BRD4: variants seen among roughly 807,000 people sequenced by gnomAD.
The protein encoded by BRD4 is bromodomain containing 4, also known as bromodomain-containing protein 4.
Under a neutral mutation model 142.1 loss-of-function variants are expected in BRD4, and 16 were observed. That is an observed-to-expected ratio of 0.11 (90% confidence interval 0.08 to 0.17). The LOEUF (loss-of-function observed/expected upper bound fraction) is 0.17, where lower values mean the gene tolerates loss of function less well. Among genes scored for constraint, BRD4 ranks in the 10% least tolerant of loss-of-function variants. The pLI is 1.00. For missense variants in BRD4, 1,424 were observed against 1,810.9 expected (o/e 0.79, Z 3.88); for synonymous variants, 833 against 707.5 (o/e 1.18, Z -2.82).
Position 15,238,324 on chromosome 19 carries a change from T to G in BRD4, c.*53A>C, listed in dbSNP as rs202240581. ...ACCTCCACCACCGCCCCTAACACTA[T>G]GGAAAGTCAATGTTTTGCCAGAAAA... On this transcript the variant is annotated 3_prime_UTR_variant, in exon 20 of 20. Coordinates refer to ENST00000679869, the MANE Select transcript of BRD4 (RefSeq NM_001379291.1). This position sits in a 1 kb window ranked among gnomAD's most constrained non-coding sequence, Gnocchi z 7.2. The G allele has an allele frequency of 2.1e-5, 34 of 1,611,512 alleles. No individual in the cohort carries two copies. The East Asian group carries it at 7.6e-4, about 36-fold the overall frequency.
At chr19:15,309,724 G>T (rs550946958) in intron 1 of BRD4, among the ~76,000 whole-genome samples, 1 of 152,152 alleles carries the variant, frequency 6.6e-6, no homozygotes, top group Admixed American at 6.6e-5. Flanking sequence ...TCTGAAATTG[G>T]GGGTAGGGGA....
Position 15,273,146 on chromosome 19 carries a change from A to C in BRD4, c.-34-13T>G, listed in dbSNP as rs201382989. ...TTCACCAGGCACTCTACAAAGGAAG[A>C]GAAGAGCCCCCGTGAGATATCAGTC... On this transcript the variant is annotated splice_polypyrimidine_tract_variant and intron_variant, in intron 1 of 19. Coordinates refer to ENST00000679869, the MANE Select transcript of BRD4 (RefSeq NM_001379291.1). 16 of 1,536,668 alleles carry C rather than the reference A, an allele frequency of 1.0e-5. No individual in the cohort carries two copies. The highest frequency in any genetic ancestry group is 1.4e-5 in the Non-Finnish European group (16 of 1,140,218).
chr19:15,326,361 G>C (rs1388016751), intron 1 of BRD4, among the ~76,000 whole-genome samples: 2 of 151,970 alleles, frequency 1.3e-5, no homozygotes, highest in East Asian at 1.9e-4. Flanking sequence ...CAGCTACTTG[G>C]GAGGCTGAGG....
At chr19:15,292,994 G>C (rs923401757) in intron 1 of BRD4, among the ~76,000 whole-genome samples, 1 of 151,830 alleles carries the variant, frequency 6.6e-6, no homozygotes, top group Non-Finnish European at 1.5e-5. Flanking sequence ...CCCTGAAAGG[G>C]TGCTTCCTGC....
chr19:15,318,361 C>T (rs566114211), intron 1 of BRD4, among the ~76,000 whole-genome samples: 130 of 152,316 alleles, frequency 8.5e-4, no homozygotes, highest in Middle Eastern at 6.8e-3. Context: ...CATCCTCTGA[C>T]TCAACTCTGC....
intron 7 of BRD4, among the ~76,000 whole-genome samples, chr19:15,262,972 T>A (rs2047490165): frequency 6.6e-6 from 1 of 152,050 alleles, no homozygotes. Flanking sequence ...GGACCCCCAA[T>A]CAGAATTGTG....
chr19:15,283,729 C>T (rs891327954), intron 1 of BRD4, among the ~76,000 whole-genome samples: 4 of 152,300 alleles, frequency 2.6e-5, no homozygotes, highest in South Asian at 2.1e-4. Flanking sequence ...ACTGGGAAGC[C>T]GCCCGGGTGA....
chr19:15,270,652 C>A (rs1052041710), intron 2 of BRD4, among the ~76,000 whole-genome samples: 4 of 152,146 alleles, frequency 2.6e-5, no homozygotes, highest in Non-Finnish European at 5.9e-5. Flanking sequence ...CTGGATAGTA[C>A]GGTTTGGGGC....
At chr19:15,269,250 G>A (rs1472730722) in intron 2 of BRD4, among the ~76,000 whole-genome samples, 3 of 152,148 alleles carry the variant, frequency 2.0e-5, no homozygotes, top group Non-Finnish European at 2.9e-5. Flanking sequence ...ATGCTGGGGA[G>A]TAATTCAGAG....
chr19:15,300,765 T>TA (rs1260108523), intron 1 of BRD4, among the ~76,000 whole-genome samples: 1 of 152,040 alleles, frequency 6.6e-6, no homozygotes, highest in Non-Finnish European at 1.5e-5. Context: ...TTCCCACCCC[T>TA]AAAACCCTGA....
In BRD4 at chr19:15,244,466, T is replaced by C. The variant is rs201256880; in HGVS notation, c.2346A>G (p.Pro782=). The C allele has an allele frequency of 4.7e-5, 4 of 85,736 alleles. No individual in the cohort carries two copies. Among genetic ancestry groups the C allele is most frequent in the Non-Finnish European group, 8.2e-5 (4 of 48,922 alleles). 5.3% of individuals were successfully genotyped at this position (85,736 alleles called of 1,614,324 possible). The stretch of plus-strand genomic sequence containing the variant: ...GGGCTGCCTGCTGCGGCATGGAGGG[T>C]GGGGGAGGCGGGGGTGGCGGCTGCT... ...QQQQPPPPPP[P]PSMPQQAAPA... The change falls in exon 13 of 20, where the codon CCA becomes CCG. Residue 782 remains proline, a synonymous_variant. Coordinates refer to ENST00000679869, the MANE Select transcript of BRD4 (RefSeq NM_001379291.1).
At chr19:15,278,955 C>T (rs1000444644) in intron 1 of BRD4, among the ~76,000 whole-genome samples, 1 of 152,164 alleles carries the variant, frequency 6.6e-6, no homozygotes, top group African/African-American at 2.4e-5. Flanking sequence ...AATTCTCCGG[C>T]CTCAGCCTCC....
chr19:15,272,321 C>G (rs1244336395), intron 2 of BRD4, among the ~76,000 whole-genome samples: 2 of 152,146 alleles, frequency 1.3e-5, no homozygotes, highest in Non-Finnish European at 2.9e-5. Flanking sequence ...CTTGCACTCC[C>G]TGCGAGGTAA....
In BRD4 at chr19:15,265,436, TGGGGGGGCACTGGCG is replaced by T; in HGVS notation, c.752_766del (p.Pro251_Pro255del). ...AGCTGGAGCGGGTGGGGGTTGTGGC[TGGGGGGGCACTGGCG>T]GGGGCGTCTGCAGTGGCTGGGGAGG... On this transcript the variant is annotated inframe_deletion, in exon 5 of 20. Coordinates refer to ENST00000679869, the MANE Select transcript of BRD4 (RefSeq NM_001379291.1). The T allele has an allele frequency of 1.2e-5, 10 of 850,830 alleles. No individual in the cohort carries two copies. The highest frequency in any genetic ancestry group is 1.5e-5 in the Non-Finnish European group (9 of 590,842). 52.7% of individuals were successfully genotyped at this position (850,830 alleles called of 1,614,324 possible).
Position 15,255,397 on chromosome 19 carries a change from G to A in BRD4, c.1947C>T (p.Pro649=), listed in dbSNP as rs200598247. The part of the protein sequence containing the change: ...SREPSLKNSN[P]DEIEIDFETL... The stretch of plus-strand genomic sequence containing the variant: ...TCTCAAAGTCGATTTCAATCTCGTC[G>A]GGGTTGGAATTCTTCAGGGAGGGCT... The change falls in exon 10 of 20, where the codon CCC becomes CCT. Residue 649 remains proline, a synonymous_variant. Coordinates refer to ENST00000679869, the MANE Select transcript of BRD4 (RefSeq NM_001379291.1). The A allele has an allele frequency of 1.6e-5, 26 of 1,614,078 alleles. No individual in the cohort carries two copies. Among genetic ancestry groups the A allele is most frequent in the African/African-American group, 5.3e-5 (4 of 75,008 alleles).
intron 1 of BRD4, among the ~76,000 whole-genome samples, chr19:15,304,779 TCA>T (rs2047899619): frequency 2.6e-5 from 4 of 152,244 alleles, no homozygotes; most frequent in African/African-American, 9.6e-5. Flanking sequence ...GATTAGGGTC[TCA>T]GTTTTGCAGC....
chr19:15,325,287 G>C (rs577727058), intron 1 of BRD4, among the ~76,000 whole-genome samples: 117 of 152,294 alleles, frequency 7.7e-4, no homozygotes, highest in African/African-American at 2.8e-3. Flanking sequence ...TGAATGTGCC[G>C]TACTGGTGTT....
At chr19:15,261,152 G>T (rs775959171) in intron 7 of BRD4, among the ~76,000 whole-genome samples, 1 of 152,210 alleles carries the variant, frequency 6.6e-6, no homozygotes, top group Non-Finnish European at 1.5e-5. Context: ...ATCTGAGGGC[G>T]CCACTGCCAC....
chr19:15,287,956 A>G (rs1318641791), intron 1 of BRD4, among the ~76,000 whole-genome samples: 1 of 151,842 alleles, frequency 6.6e-6, no homozygotes, highest in Non-Finnish European at 1.5e-5. Flanking sequence ...TTTAGTAGGG[A>G]CTGGGTTTCA....
Sources: gnomAD v4.1 joint callset for allele counts (sites outside exome capture counted in the v4.1 genomes callset) on GRCh38, gnomAD v4.1.1 for gene constraint, Gnocchi (gnomAD v3.1) non-coding constraint, MANE v1.5 for transcripts, NCBI Gene and HGNC (gene_info 2026-07-23, HGNC 2026-07-21) for gene names.